Variants in CCDC171 observed in about 807,000 individuals in gnomAD.
CCDC171 encodes the protein coiled-coil domain containing 171.
In CCDC171, 177 loss-of-function variants were observed where a neutral mutation model predicts 168.2. The observed-to-expected ratio is 1.05, with a 90% CI of 0.93 to 1.19. The LOEUF (loss-of-function observed/expected upper bound fraction) is 1.19. Ranked by LOEUF, CCDC171 falls within the 50% of genes most tolerant of loss-of-function variation. CCDC171 has a pLI of 0.00. For synonymous variants in CCDC171, 687 were observed against 540.8 expected, an observed-to-expected ratio of 1.27 and a Z score of -3.75; for missense variants, 1,991 against 1,539.0, an observed-to-expected ratio of 1.29 and a Z score of -4.91.
chr9:15,579,402 A>G (rs2040936527), intron 4 of CCDC171, among the ~76,000 whole-genome samples: 3 of 152,188 alleles, frequency 2.0e-5, no homozygotes, highest in South Asian at 2.1e-4. Flanking sequence ...GAGAATCTAT[A>G]TGTTCAAGAA....
At chr9:16,018,076 A>AT (rs576289285) in intron 3 of CCDC171, among the ~76,000 whole-genome samples, 81 of 152,296 alleles carry the variant, frequency 5.3e-4, no homozygotes, top group African/African-American at 1.7e-3. Context: ...TAGTTTTAAG[A>AT]TTTTTTTAGC....
chr9:15,568,268 T>C (rs976433197), intron 2 of CCDC171, among the ~76,000 whole-genome samples: 9 of 122,842 alleles, frequency 7.3e-5, no homozygotes, highest in Non-Finnish European at 9.6e-5. Context: ...CCAATACATC[T>C]TTTTTTTTTT....
At chr9:15,717,409 A>T (rs770629065) in intron 11 of CCDC171, among the ~76,000 whole-genome samples, 4 of 152,214 alleles carry the variant, frequency 2.6e-5, no homozygotes, top group Non-Finnish European at 5.9e-5. Context: ...AATCTAGGCC[A>T]CAAGGACTGC....
chr9:15,553,899 G>A (rs960742752), intron 1 of CCDC171, among the ~76,000 whole-genome samples: 4 of 151,230 alleles, frequency 2.6e-5, no homozygotes, highest in African/African-American at 9.7e-5. Flanking sequence ...TACATTTTAG[G>A]TAAATGAGAT....
intron 1 of CCDC171, among the ~76,000 whole-genome samples, chr9:16,057,605 A>G (rs1414752587): frequency 6.6e-6 from 1 of 152,198 alleles, no homozygotes; most frequent in Non-Finnish European, 1.5e-5. Context: ...TGGGAATGCC[A>G]AGTCCAAAAC....
At chr9:16,090,024 G>T in the CCDC171 span, among the ~76,000 whole-genome samples, 3 of 152,154 alleles carry the variant, frequency 2.0e-5, no homozygotes, top group Admixed American at 6.5e-5. Flanking sequence ...ATTCCTCAGG[G>T]ATCTAGAACC....
At chr9:15,745,211 A>G (rs2055185718) in intron 17 of CCDC171, among the ~76,000 whole-genome samples, 1 of 152,240 alleles carries the variant, frequency 6.6e-6, no homozygotes, top group African/African-American at 2.4e-5. Flanking sequence ...TAAATTTTCC[A>G]GTTGTGTTTT....
chr9:15,633,393 A>C (rs2045918604), intron 7 of CCDC171, among the ~76,000 whole-genome samples: 1 of 152,238 alleles, frequency 6.6e-6, no homozygotes, highest in South Asian at 2.1e-4. Flanking sequence ...AAAAGTAGAC[A>C]TTTATGCAGC....
intron 1 of CCDC171, chr9:15,553,643 C>A (rs1464864686): frequency 6.6e-6 from 1 of 152,172 alleles, no homozygotes; most frequent in Admixed American, 6.6e-5. Context: ...GTCTTTCAGC[C>A]CGCTCTCCCC....
At chr9:16,028,724 G>A (rs556455614) in intron 6 of CCDC171, among the ~76,000 whole-genome samples, 1 of 152,226 alleles carries the variant, frequency 6.6e-6, no homozygotes, top group Non-Finnish European at 1.5e-5. Flanking sequence ...CCCAGCTGCT[G>A]TATTCTGAAA....
Position 15,621,788 on chromosome 9 carries a change from C to G in CCDC171, c.676-1479C>G, listed in dbSNP as rs145895722. On this transcript the variant is annotated intron_variant, in intron 6 of 25. Coordinates refer to ENST00000380701, the MANE Select transcript of CCDC171 (RefSeq NM_173550.4). ...GCAATCCCATTTCTGGGTATATACT[C>G]AAAGGAATAGAAATTGTTCTACCAC... 4.0e-4 allele frequency among the ~76,000 whole-genome samples: 61 copies of G among 152,224 alleles called. No homozygotes were observed. The East Asian group carries it at 5.8e-3, about 14-fold the overall frequency.
At chr9:15,851,451 T>C (rs534504469) in intron 23 of CCDC171, among the ~76,000 whole-genome samples, 61 of 151,814 alleles carry the variant, frequency 4.0e-4, no homozygotes, top group Non-Finnish European at 6.3e-4. Flanking sequence ...TTTCAAGTTA[T>C]TGGAGATAAG....
intron 25 of CCDC171, among the ~76,000 whole-genome samples, chr9:15,968,130 A>C (rs16933833): frequency 0.015 from 2,267 of 152,350 alleles, 61 homozygotes; most frequent in African/African-American, 0.051. Context: ...GGACTATAGC[A>C]GTTCAAATAG....
intron 6 of CCDC171, among the ~76,000 whole-genome samples, chr9:16,023,209 T>G (rs1407023378): frequency 6.6e-6 from 1 of 152,132 alleles, no homozygotes; most frequent in African/African-American, 2.4e-5. Context: ...AACTGCTTAT[T>G]AACATATTAC....
chr9:15,792,951 A>G (rs1278954728), intron 21 of CCDC171, among the ~76,000 whole-genome samples: 6 of 152,228 alleles, frequency 3.9e-5, no homozygotes, highest in Admixed American at 1.3e-4. Context: ...TCATAATGAC[A>G]GGAACAAATT....
At chr9:15,597,606 C>CT (rs2042475282) in intron 6 of CCDC171, among the ~76,000 whole-genome samples, 1 of 152,040 alleles carries the variant, frequency 6.6e-6, no homozygotes, top group Non-Finnish European at 1.5e-5. Context: ...CTAAAATTCT[C>CT]TTTTTTTGTT....
At chr9:15,570,655 T>A (rs953020640) in intron 2 of CCDC171, among the ~76,000 whole-genome samples, 1 of 152,236 alleles carries the variant, frequency 6.6e-6, no homozygotes, top group Non-Finnish European at 1.5e-5. Flanking sequence ...GGCATCAGTA[T>A]CTTTAGGTAT....
chr9:15,745,586 A>G lies in CCDC171; in HGVS notation c.2626A>G (p.Ile876Val), dbSNP rs763479921. 11 of 1,588,712 alleles carry G rather than the reference A, an allele frequency of 6.9e-6. No individual in the cohort carries two copies. The East Asian group carries it at 1.9e-4, about 27-fold the overall frequency. Residue 876 changes from isoleucine to valine, a missense_variant, in exon 18 of 26, where the codon ATA (isoleucine) becomes GTA (valine). By Grantham distance (29) the Ile-to-Val change is conservative (BLOSUM62 3). Coordinates refer to ENST00000380701, the MANE Select transcript of CCDC171 (RefSeq NM_173550.4). ...WLTSSDLLAA[I>V]ISSMAELQDV... ...CACCAGTTCTGACCTTCTTGCTGCA[A>G]TAATCAGTTCTATGGCTGAATTACA...
At chr9:16,039,222 G>T (rs1452642065), upstream of CCDC171, among the ~76,000 whole-genome samples, 1 of 152,172 alleles carries the variant, frequency 6.6e-6, no homozygotes, top group African/African-American at 2.4e-5. Context: ...CTATGGGGAG[G>T]AGAGAGCAGG....
Sources: gnomAD v4.1 joint callset for allele counts (sites outside exome capture counted in the v4.1 genomes callset) on GRCh38, gnomAD v4.1.1 for gene constraint, MANE v1.5 for transcripts, NCBI Gene and HGNC (gene_info 2026-07-23, HGNC 2026-07-21) for gene names.